BOP1: variants seen among roughly 807,000 people sequenced by gnomAD.
The protein encoded by BOP1 is ribosome biogenesis protein BOP1.
Under a neutral mutation model 82.9 loss-of-function variants are expected in BOP1, and 54 were observed. The ratio of observed to expected loss-of-function variants is 0.65; its 90% CI spans 0.52 to 0.82. BOP1 has a LOEUF of 0.82. Among genes scored for constraint, BOP1 ranks in the 40% least tolerant of loss-of-function variants. The pLI is 0.00. For synonymous variants in BOP1, 566 were observed against 451.1 expected, an observed-to-expected ratio of 1.25 and a Z score of -3.23; for missense variants, 1,170 against 1,072.0, an observed-to-expected ratio of 1.09 and a Z score of -1.28.
chr8:144,278,540 C>T (rs200770725), intron 2 of BOP1, among the ~76,000 whole-genome samples: 2 of 152,258 alleles, frequency 1.3e-5, no homozygotes, highest in African/African-American at 4.8e-5. Flanking sequence ...GACAGAGCTG[C>T]GGTGTCCCGG....
At chr8:144,263,950 G>C in intron 8 of BOP1, 31 bp downstream of exon 8, 2 of 1,611,076 alleles carry the variant, frequency 1.2e-6, no homozygotes, top group Admixed American at 1.7e-5. Context: ...TGCCCCCTGT[G>C]CCACCCCCCT....
chr8:144,271,446 TCCCCAG>T (rs750980780), intron 3 of BOP1, among the ~76,000 whole-genome samples: 104 of 151,428 alleles, frequency 6.9e-4, no homozygotes, highest in Non-Finnish European at 1.2e-3. Context: ...GTCTCTCTCT[TCCCCAG>T]CCCCTCTCCG....
Position 144,263,510 on chromosome 8 carries a change from G to A in BOP1, c.1392C>T (p.Pro464=), listed in dbSNP as rs1236829003. ...GGVVKSVAWN[P]SPAVCLVAAA... is the part of the protein sequence containing the mutation. ...CAGCCACCAGGCAGACAGCGGGGCT[G>A]GGGTTCCAGGCCACACTCTTCACCA... The change falls in exon 11 of 16, where the codon CCC becomes CCT. Residue 464 remains proline (P), a synonymous_variant. Coordinates refer to ENST00000569669, the MANE Select transcript of BOP1 (RefSeq NM_015201.5). The A allele has an allele frequency of 3.8e-6, 6 of 1,599,090 alleles. No homozygotes were observed. In the East Asian group the frequency reaches 6.7e-5, roughly 18 times the overall value.
intron 1 of BOP1, among the ~76,000 whole-genome samples, chr8:144,289,846 G>A (rs1814983920): frequency 6.6e-6 from 1 of 152,144 alleles, no homozygotes; most frequent in Admixed American, 6.6e-5. Flanking sequence ...TAACCAGATT[G>A]GGACCAACGA....
chr8:144,272,609 C>A (rs1845508627), intron 3 of BOP1, among the ~76,000 whole-genome samples: 3 of 152,190 alleles, frequency 2.0e-5, no homozygotes, highest in Admixed American at 2.0e-4. Flanking sequence ...GCCAAGGACA[C>A]TGGCCCCGAG....
chr8:144,274,205 C>T (rs1196887106), intron 3 of BOP1, among the ~76,000 whole-genome samples: 1 of 152,150 alleles, frequency 6.6e-6, no homozygotes, highest in Non-Finnish European at 1.5e-5. Context: ...CCAGCGGCGC[C>T]CTCCCTGCCC....
chr8:144,263,567 G>A lies in BOP1; in HGVS notation c.1335C>T (p.Ala445=). Residue 445 remains alanine (A), a synonymous_variant, in exon 11 of 16, where the codon GCC becomes GCT. Coordinates refer to ENST00000569669, the MANE Select transcript of BOP1 (RefSeq NM_015201.5). ...CCACGGGAACAGTCCTCACACAGCG[G>A]GCAGTGGCCACCTCCCAGAGCCGCA... ...GSLRLWEVAT[A]RCVRTVPVGG... 1.2e-6 allele frequency: 2 copies of A among 1,602,762 alleles called. No homozygotes were observed. Among genetic ancestry groups the A allele is most frequent in the Non-Finnish European group, 1.7e-6 (2 of 1,179,734 alleles).
At chr8:144,271,802 C>T (rs1268748765) in intron 3 of BOP1, among the ~76,000 whole-genome samples, 1 of 152,192 alleles carries the variant, frequency 6.6e-6, no homozygotes, top group East Asian at 1.9e-4. Context: ...GCCCAGACGC[C>T]CTCAGCTCCG....
intron 3 of BOP1, chr8:144,268,493 A>G (rs919926727): frequency 5.0e-6 from 2 of 401,414 alleles, no homozygotes; most frequent in South Asian, 2.8e-5. Flanking sequence ...ATGGAGGCCA[A>G]CTGTCCTCAT....
chr8:144,271,135 C>T (rs895432492), intron 3 of BOP1, among the ~76,000 whole-genome samples: 4 of 152,046 alleles, frequency 2.6e-5, no homozygotes, highest in African/African-American at 4.8e-5. Context: ...TCCTGGGGGC[C>T]GCCCAGCCCC....
intron 3 of BOP1, chr8:144,266,649 C>G: frequency 8.0e-7 from 1 of 1,252,454 alleles, no homozygotes; most frequent in Non-Finnish European, 1.0e-6. Flanking sequence ...CGCCGCCGGG[C>G]CGCTACCTGT....
At chr8:144,288,367 A>G (rs1371786831) in intron 2 of BOP1, among the ~76,000 whole-genome samples, 1 of 151,704 alleles carries the variant, frequency 6.6e-6, no homozygotes, top group East Asian at 1.9e-4. Context: ...GTCTCTACTA[A>G]AAGTACAAAA....
chr8:144,281,502 TCC>T (rs1845679967), intron 2 of BOP1, among the ~76,000 whole-genome samples: 2 of 20,472 alleles, frequency 9.8e-5, no homozygotes, highest in Admixed American at 6.8e-4. Flanking sequence ...TCTTTGGCCT[TCC>T]CTCAGTTTAA....
intron 2 of BOP1, among the ~76,000 whole-genome samples, chr8:144,287,833 C>A (rs1814924042): frequency 6.6e-6 from 1 of 152,122 alleles, no homozygotes; most frequent in Non-Finnish European, 1.5e-5. Flanking sequence ...ACAAGCCAAC[C>A]CAACACAGCT....
Position 144,263,982 on chromosome 8 carries a change from C to T in BOP1, c.1139G>A (p.Arg380Lys). 1.2e-6 allele frequency: 2 copies of T among 1,610,340 alleles called. No homozygotes were observed. Among genetic ancestry groups the T allele is most frequent in the Non-Finnish European group, 1.7e-6 (2 of 1,179,736 alleles). ...CCCTGGTGTGCCACCCCCACACACCCTCATCTTGCGCTGCCGTGGGCACAG... is the reference window on the plus strand; with the variant it reads ...CCCTGGTGTGCCACCCCCACACACCTTCATCTTGCGCTGCCGTGGGCACAG... ...LYLCPRQRKM[R>K]VNVDPEDLIP... The change falls in exon 8 of 16, where the codon AGG (arginine) becomes AAG (lysine). Residue 380 changes from arginine to lysine, a missense_variant and splice_region_variant. Coordinates refer to ENST00000569669, the MANE Select transcript of BOP1 (RefSeq NM_015201.5).
chr8:144,265,262 C>CCCCA (rs1466172388), intron 3 of BOP1, 191 bp from the exon 4 acceptor site: 1 of 672,638 alleles, frequency 1.5e-6, no homozygotes, highest in Non-Finnish European at 2.5e-6. Flanking sequence ...GCCACGCTGC[C>CCCCA]CCCACCCCCG....
At chr8:144,274,874 G>A (rs1294052668) in intron 3 of BOP1, among the ~76,000 whole-genome samples, 1 of 152,234 alleles carries the variant, frequency 6.6e-6, no homozygotes, top group Non-Finnish European at 1.5e-5. Context: ...ATATAAAAAA[G>A]TAGCCGACAG....
chr8:144,264,911 C>G lies in BOP1; in HGVS notation c.545+6G>C. 1 of 1,611,448 alleles carries G rather than the reference C, an allele frequency of 6.2e-7. No individual in the cohort carries two copies. Among genetic ancestry groups the G allele is most frequent in the Non-Finnish European group, 8.5e-7 (1 of 1,179,642 alleles). On this transcript the variant is annotated splice_donor_region_variant and intron_variant, in intron 4 of 15. Transcript: ENST00000569669. ...CGGCTGCTGGCCCCACCCCACCAGC[C>G]CTCACCAGTAGTCAGGATCGTCCAT...
chr8:144,274,798 C>T (rs1845543819), intron 3 of BOP1, among the ~76,000 whole-genome samples: 2 of 152,202 alleles, frequency 1.3e-5, no homozygotes, highest in South Asian at 4.1e-4. Context: ...CCACAGGCCC[C>T]GCCGAGGCCC....
Sources: gnomAD v4.1 joint callset for allele counts (sites outside exome capture counted in the v4.1 genomes callset) on GRCh38, gnomAD v4.1.1 for gene constraint, MANE v1.5 for transcripts, NCBI Gene and HGNC (gene_info 2026-07-23, HGNC 2026-07-21) for gene names.